The following ANK1 variants were observed in gnomAD, a reference collection of about 807,000 sequenced individuals.
The protein encoded by ANK1 is ankyrin 1.
In ANK1, 51 loss-of-function variants were observed where a neutral mutation model predicts 210.4. That is an observed-to-expected ratio of 0.24 (90% CI 0.19 to 0.31). The LOEUF (loss-of-function observed/expected upper bound fraction) is 0.31. Ranked by LOEUF, ANK1 falls within the 10% of genes least tolerant of loss-of-function variation. The pLI is 1.00. For synonymous variants in ANK1, 967 were observed against 1,025.9 expected (o/e 0.94, Z 1.10); for missense variants, 2,051 against 2,504.4 (o/e 0.82, Z 3.86).
intron 3 of ANK1, among the ~76,000 whole-genome samples, chr8:41,731,402 G>GC (rs1832147479): frequency 6.6e-6 from 1 of 152,146 alleles, no homozygotes. Flanking sequence ...GAGAGAGCAG[G>GC]CTTTTTTCCA....
chr8:41,776,035 A>G (rs1340613472), intron 1 of ANK1, among the ~76,000 whole-genome samples: 2 of 152,230 alleles, frequency 1.3e-5, no homozygotes, highest in African/African-American at 4.8e-5. Flanking sequence ...GCACAAAAAC[A>G]TTAAGTCATT....
rs780431230 is a variant in ANK1, at chr8:41,747,645, C to G, written c.129+10391G>C. On this transcript the variant is annotated intron_variant, in intron 2 of 42. Transcript: ENST00000289734. ...TGGAACCTGCCACACACAGGCCTAT[C>G]TTTTTTCTTTGTCTCTAAGCACTAT... Among the ~76,000 whole-genome samples the G allele has an allele frequency of 9.9e-5, 15 of 152,140 alleles. 1 individual carries two copies. Among genetic ancestry groups the G allele is most frequent in the Middle Eastern group, 3.2e-3 (1 of 316 alleles).
At chr8:41,709,760 C>T (rs1471029297) in intron 16 of ANK1, among the ~76,000 whole-genome samples, 2 of 152,114 alleles carry the variant, frequency 1.3e-5, no homozygotes, top group Non-Finnish European at 2.9e-5. Context: ...CATAGCTAGA[C>T]CCTATCTCTA....
chr8:41,749,384 G>A (rs992995947), intron 2 of ANK1, among the ~76,000 whole-genome samples: 4 of 135,346 alleles, frequency 3.0e-5, no homozygotes, highest in African/African-American at 8.4e-5. Flanking sequence ...TGCAACCTTC[G>A]CCTCCCGGGT....
At chr8:41,757,946 G>A (rs1839547310) in intron 2 of ANK1, 90 bp downstream of exon 2, 3 of 1,204,382 alleles carry the variant, frequency 2.5e-6, no homozygotes, top group South Asian at 2.4e-5. Flanking sequence ...CTGAGAAAAG[G>A]TTAATAGAGG....
rs1826976224 is a variant in ANK1, at chr8:41,714,198, C to T, written c.1758G>A (p.Lys586=). The change falls in exon 16 of 43, where the codon AAG becomes AAA. Residue 586 remains lysine (K), a synonymous_variant. Coordinates refer to ENST00000289734, the MANE Select transcript of ANK1 (RefSeq NM_000037.4). ...AVHHNNLDIV[K]LLLPRGGSPH... is the part of the protein sequence containing the mutation. ...GGGAGCCGCCCCGGGGAAGCAGCAG[C>T]TTGACGATGTCCAGGTTGTTGTGAT... 1.3e-6 allele frequency: 2 copies of T among 1,495,118 alleles called. No individual in the cohort carries two copies. The allele number at this position is 1,495,118 out of a possible 1,614,324, so 92.6% of individuals were successfully genotyped here.
intron 1 of ANK1, among the ~76,000 whole-genome samples, chr8:41,779,879 C>T (rs776218971): frequency 6.6e-5 from 10 of 152,294 alleles, no homozygotes; most frequent in East Asian, 3.9e-4. Flanking sequence ...GCCTCAAAGA[C>T]GCCTGTGCAG....
At chr8:41,661,123 G>C (rs1807962052) in intron 42 of ANK1, 1 of 407,270 alleles carries the variant, frequency 2.5e-6, no homozygotes, top group South Asian at 2.2e-5. Context: ...CAATCCTTTT[G>C]CCTCGACCTC....
At chr8:41,827,741 C>T (rs1805672724) in intron 1 of ANK1, among the ~76,000 whole-genome samples, 1 of 148,322 alleles carries the variant, frequency 6.7e-6, no homozygotes, top group Admixed American at 6.7e-5. Flanking sequence ...CATCCACACA[C>T]GCATACATAC....
chr8:41,689,814 G>T (rs1818764482), intron 33 of ANK1, among the ~76,000 whole-genome samples: 1 of 152,222 alleles, frequency 6.6e-6, no homozygotes, highest in South Asian at 2.1e-4. Flanking sequence ...AGCGGCCTGA[G>T]AGAAGCCGTG....
chr8:41,830,183 G>A (rs536120538), intron 1 of ANK1, among the ~76,000 whole-genome samples: 2 of 151,384 alleles, frequency 1.3e-5, no homozygotes, highest in East Asian at 3.9e-4. Flanking sequence ...CTGGGCAGGG[G>A]TCAGCTAGGA....
At position 41,878,978 on chromosome 8, in the gene ANK1, C is replaced by T. The variant is rs563600689; in HGVS notation, c.126+17377G>A. Among the ~76,000 whole-genome samples the T allele has an allele frequency of 4.6e-5, 7 of 152,184 alleles. No individual in the cohort carries two copies. The South Asian group carries it at 1.2e-3, about 27-fold the overall frequency. On this transcript the variant is annotated intron_variant, in intron 1 of 42. Coordinates refer to the ANK1 transcript ENST00000265709. ...CTCAGGGAGGCTGAGGCAGGAGAAT[C>T]GCTTGAACCTGGGAGGTGGAAGTTG...
chr8:41,785,671 G>A (rs1846196267), intron 1 of ANK1, among the ~76,000 whole-genome samples: 1 of 152,184 alleles, frequency 6.6e-6, no homozygotes, highest in African/African-American at 2.4e-5. Context: ...CCTGCTCGCT[G>A]CGCATCCCTG....
chr8:41,718,333 A>G, intron 10 of ANK1, 129 bp from the exon 11 acceptor site: 1 of 772,550 alleles, frequency 1.3e-6, no homozygotes, highest in Non-Finnish European at 2.2e-6. Context: ...CCATAGACCA[A>G]TCAACGAATT....
chr8:41,672,338 A>T lies in ANK1; in HGVS notation c.5096+16T>A, dbSNP rs508112. 3 of 1,613,326 alleles carry T rather than the reference A, an allele frequency of 1.9e-6. No individual in the cohort carries two copies. Among genetic ancestry groups the T allele is most frequent in the African/African-American group, 2.7e-5 (2 of 74,910 alleles). On this transcript the variant is annotated intron_variant, in intron 38 of 42. Transcript: ENST00000289734. Reference sequence around the variant, plus strand: ...GAAGACAAAAAGGGACCCTGCTCCCACAGTCAAGCTCTTACCTGTCCTGAC... The same window carrying T: ...GAAGACAAAAAGGGACCCTGCTCCCTCAGTCAAGCTCTTACCTGTCCTGAC...
At chr8:41,754,779 C>T (rs995404099) in intron 2 of ANK1, among the ~76,000 whole-genome samples, 15 of 152,180 alleles carry the variant, frequency 9.9e-5, no homozygotes, top group Admixed American at 6.5e-5. Context: ...TGCAGTCCCT[C>T]CCCCACCACC....
At chr8:41,872,118 C>T (rs954931222) in intron 1 of ANK1, among the ~76,000 whole-genome samples, 4 of 152,210 alleles carry the variant, frequency 2.6e-5, no homozygotes, top group Non-Finnish European at 4.4e-5. Context: ...CAAGCTGATT[C>T]GTGGTCTTAG....
rs776783440 is a variant in ANK1 at position 41,690,480 on chromosome 8, A to G, written c.3978T>C (p.Pro1326=). The G allele has an allele frequency of 6.2e-7, 1 of 1,614,042 alleles. No individual in the cohort carries two copies. The highest frequency in any genetic ancestry group is 1.3e-5 in the African/African-American group (1 of 74,918). Residue 1326 remains proline (P), a synonymous_variant, in exon 32 of 43, where the codon CCT becomes CCC. Transcript: ENST00000289734. ...AGCCAGAGGGTGCCGGCACCTTTAC[A>G]GGCATGGCCAGACGGTTCTCCCGAA... ...QSFRENRLAM[P]VKVRDSSREP...
At chr8:41,803,039 A>AAGAAAGAG (rs747913358) in intron 1 of ANK1, among the ~76,000 whole-genome samples, 4 of 68,892 alleles carry the variant, frequency 5.8e-5, no homozygotes, top group Admixed American at 1.5e-4. Context: ...GAAAGAAAGA[A>AAGAAAGAG]AGAGAAAGAA....
Sources: gnomAD v4.1 joint callset for allele counts (sites outside exome capture counted in the v4.1 genomes callset) on GRCh38, gnomAD v4.1.1 for gene constraint, MANE v1.5 for transcripts, NCBI Gene and HGNC (gene_info 2026-07-23, HGNC 2026-07-21) for gene names.